Variants in RAET1E observed in about 807,000 individuals in gnomAD.
RAET1E encodes the protein retinoic acid early transcript 1E, also known as NKG2D ligand 4.
RAET1E carries 27 observed loss-of-function variants against 21.1 expected under a neutral mutation model. The ratio of observed to expected loss-of-function variants is 1.28; its 90% CI spans 0.94 to 1.76. The LOEUF is 1.76. RAET1E is among the 40% of genes most tolerant of loss of function. RAET1E has a pLI of 0.00. For synonymous variants in RAET1E, 113 were observed against 115.0 expected, an observed-to-expected ratio of 0.98 and a Z score of 0.11; for missense variants, 310 against 311.3, an observed-to-expected ratio of 1.00 and a Z score of 0.03.
At position 149,885,366 on chromosome 6, in the gene RAET1E, A is replaced by C. The variant is rs1476593856; in HGVS notation, c.*3132T>G. Among the ~76,000 whole-genome samples the C allele has an allele frequency of 6.6e-6, 1 of 152,156 alleles. No homozygotes were observed. The highest frequency in any genetic ancestry group is 1.5e-5 in the Non-Finnish European group (1 of 68,018). ...AGCCTTTGCCTTTCTCCTGTTGGCC[A>C]GGGACAGAGAGGGCTCAACTTGACC... On this transcript the variant is annotated 3_prime_UTR_variant, in exon 6 of 6. Transcript: ENST00000357183.
Position 149,884,367 on chromosome 6 carries a change from G to C in RAET1E, c.*4131C>G. 1 of 929,778 alleles carries C rather than the reference G, an allele frequency of 1.1e-6. No homozygotes were observed. The allele number at this position is 929,778 out of a possible 1,614,324, so 57.6% of individuals were successfully genotyped here. On this transcript the variant is annotated 3_prime_UTR_variant, in exon 6 of 6. Coordinates refer to ENST00000357183, the MANE Select transcript of RAET1E (RefSeq NM_001394057.1). ...TGCCAAGACTGGAATGCAGAGGCGC[G>C]ATCTCCGCTCATTGCAGGCTCCGCC... is the stretch of plus-strand genomic sequence containing the variant.
At chr6:149,894,639 C>A (rs1778042154) in intron 2 of RAET1E, among the ~76,000 whole-genome samples, 1 of 151,952 alleles carries the variant, frequency 6.6e-6, no homozygotes, top group Admixed American at 6.6e-5. Context: ...CATTTATGTT[C>A]CTCTCTACAT....
At chr6:149,889,836 C>T in intron 4 of RAET1E, 49 bp downstream of exon 4, 1 of 1,591,058 alleles carries the variant, frequency 6.3e-7, no homozygotes, top group Non-Finnish European at 8.6e-7. Context: ...GTTCTTCCCT[C>T]CCCTCTCTTA....
Position 149,883,720 on chromosome 6 carries a change from GA to G in RAET1E, c.*4777del, listed in dbSNP as rs1777496025. 1 of 154,822 alleles carries G rather than the reference GA, an allele frequency of 6.5e-6. No individual in the cohort carries two copies. Among genetic ancestry groups the G allele is most frequent in the African/African-American group, 2.5e-5 (1 of 40,446 alleles). 9.6% of individuals were successfully genotyped at this position (154,822 alleles called of 1,614,324 possible). ...TCAAAAAAACAAACAAACAAACAAA[GA>G]ATTACTTGCACTGTGCTCACATAAT... On this transcript the variant is annotated 3_prime_UTR_variant, in exon 6 of 6. Coordinates refer to ENST00000357183, the MANE Select transcript of RAET1E (RefSeq NM_001394057.1).
intron 3 of RAET1E, 56 bp downstream of exon 3, chr6:149,890,761 C>T: frequency 5.5e-6 from 7 of 1,270,808 alleles, no homozygotes; most frequent in Non-Finnish European, 6.9e-6. Flanking sequence ...TCGCCTACCC[C>T]CTACCTTTCT....
At position 149,884,552 on chromosome 6, in the gene RAET1E, C is replaced by A. The variant is rs1777526393; in HGVS notation, c.*3946G>T. Reference sequence around the variant, plus strand: ...TGCAGAACCCTGGGTCAGATCAGCTCAGGATTGACCCCTCCGTGATCTCTC... The same window carrying A: ...TGCAGAACCCTGGGTCAGATCAGCTAAGGATTGACCCCTCCGTGATCTCTC... On this transcript the variant is annotated 3_prime_UTR_variant, in exon 6 of 6. Coordinates refer to ENST00000357183, the MANE Select transcript of RAET1E (RefSeq NM_001394057.1). The A allele has an allele frequency of 6.6e-7, 1 of 1,514,906 alleles. No homozygotes were observed. The allele number at this position is 1,514,906 out of a possible 1,614,324, so 93.8% of individuals were successfully genotyped here. A position where few individuals can be genotyped will look rare whatever the true frequency, so the allele number is the denominator to read the frequency against.
rs1448850573 is a variant in RAET1E at position 149,888,155 on chromosome 6, A to G, written c.*343T>C. ...TGCTGCAGCCACAAGCGCCACCAGC[A>G]AGTCTTCTCAGGGTGAACGGGAAAA... On this transcript the variant is annotated 3_prime_UTR_variant, in exon 6 of 6. Transcript: ENST00000357183. The G allele has an allele frequency of 1.8e-6, 1 of 557,850 alleles. No homozygotes were observed. Among genetic ancestry groups the G allele is most frequent in the Non-Finnish European group, 3.5e-6 (1 of 289,116 alleles). The allele number at this position is 557,850 out of a possible 1,614,324, so 34.6% of individuals were successfully genotyped here.
intron 1 of RAET1E, among the ~76,000 whole-genome samples, chr6:149,897,554 T>G (rs1022839462): frequency 9.2e-5 from 14 of 152,278 alleles, no homozygotes; most frequent in African/African-American, 2.6e-4. Flanking sequence ...GTCCTCTCCC[T>G]GCCCCAGCTG....
chr6:149,897,955 C>G (rs1778182251), intron 1 of RAET1E, 66 bp downstream of exon 1: 1 of 152,026 alleles, frequency 6.6e-6, no homozygotes, highest in Non-Finnish European at 1.5e-5. Flanking sequence ...TCCTCCTTCA[C>G]TCCCAAACAT....
Position 149,888,560 on chromosome 6 carries a change from T to C in RAET1E, c.730A>G (p.Ile244Val). ...TCACCATTTTGCCACCAGACACAGA[T>C]GAGAACAATTCCCATTAAAACTAAC... Reference protein sequence around the residue: ...ILLVLMGIVLICVWWQNGEWQ... With the variant: ...ILLVLMGIVLVCVWWQNGEWQ... The change falls in exon 6 of 6, where the codon ATC (isoleucine) becomes GTC (valine). Residue 244 changes from isoleucine to valine, a missense_variant. Transcript: ENST00000357183. 1.2e-6 allele frequency: 2 copies of C among 1,612,168 alleles called. No homozygotes were observed. Among genetic ancestry groups the C allele is most frequent in the Non-Finnish European group, 1.7e-6 (2 of 1,179,790 alleles).
intron 1 of RAET1E, among the ~76,000 whole-genome samples, chr6:149,897,056 C>T (rs370246037): frequency 5.3e-5 from 8 of 152,244 alleles, no homozygotes; most frequent in East Asian, 1.9e-4. Flanking sequence ...TTTTTTGAGA[C>T]CAGGTCTTGC....
At chr6:149,890,168 A>T in intron 3 of RAET1E, 23 bp from the exon 4 acceptor site, 1 of 1,613,150 alleles carries the variant, frequency 6.2e-7, no homozygotes, top group Non-Finnish European at 8.5e-7. Flanking sequence ...GATGCAGGTG[A>T]GGTCCAGGAC....
At chr6:149,891,276 C>T (rs894788044) in intron 2 of RAET1E, among the ~76,000 whole-genome samples, 1 of 152,074 alleles carries the variant, frequency 6.6e-6, no homozygotes, top group African/African-American at 2.4e-5. Context: ...CTTCTCCTCC[C>T]TGCCTCTTTT....
intron 5 of RAET1E, chr6:149,888,961 G>C: frequency 1.3e-6 from 1 of 777,660 alleles, no homozygotes; most frequent in African/African-American, 1.8e-5. Context: ...TGACACAATG[G>C]GTGGTGCTTA....
In RAET1E at chr6:149,889,871, C is replaced by G. The variant is rs370014721; in HGVS notation, c.346+14G>C. The G allele has an allele frequency of 6.2e-7, 1 of 1,609,958 alleles. No homozygotes were observed. Among genetic ancestry groups the G allele is most frequent in the Non-Finnish European group, 8.5e-7 (1 of 1,176,958 alleles). On this transcript the variant is annotated intron_variant, in intron 4 of 5. Transcript: ENST00000357183. ...ACTGCCTGCCTCTGTTTGCCCACCC[C>G]ATTCCACACTTACCACTGGTCTTTA... is the stretch of plus-strand genomic sequence containing the variant.
At position 149,890,146 on chromosome 6, in the gene RAET1E, C is replaced by A. The variant is rs776308613; in HGVS notation, c.86-1G>T. 4 of 1,613,896 alleles carry A rather than the reference C, an allele frequency of 2.5e-6. No individual in the cohort carries two copies. In the South Asian group the frequency reaches 4.4e-5, roughly 18 times the overall value. On this transcript the variant is annotated splice_acceptor_variant, in intron 3 of 5. Transcript: ENST00000357183. LOFTEE classifies it high-confidence loss of function. ...AAGTTGAAGCAAAGAGAGTGACCAC[C>A]TGTGAGACAAAGATGCAGGTGAGGT... is the stretch of plus-strand genomic sequence containing the variant.
At position 149,888,321 on chromosome 6, in the gene RAET1E, C is replaced by T; in HGVS notation, c.*177G>A. On this transcript the variant is annotated 3_prime_UTR_variant, in exon 6 of 6. Coordinates refer to ENST00000357183, the MANE Select transcript of RAET1E (RefSeq NM_001394057.1). ...GTTCCAGATCTTTGACCTTGCCCCT[C>T]CTCGAGAGGAGATGATTGCTTCATC... 1 of 809,430 alleles carries T rather than the reference C, an allele frequency of 1.2e-6. No individual in the cohort carries two copies. The allele number at this position is 809,430 out of a possible 1,614,324, so 50.1% of individuals were successfully genotyped here. A position where few individuals can be genotyped will look rare whatever the true frequency, so the allele number is the denominator to read the frequency against.
intron 5 of RAET1E, chr6:149,888,964 G>C: frequency 1.3e-6 from 1 of 785,402 alleles, no homozygotes; most frequent in Non-Finnish European, 1.8e-6. Context: ...CACAATGGGT[G>C]GTGCTTAATT....
At position 149,893,734 on chromosome 6, in the gene RAET1E, C is replaced by T. The variant is rs1778001830; in HGVS notation, c.-134+2112G>A. 2.0e-5 allele frequency among the ~76,000 whole-genome samples: 3 copies of T among 152,162 alleles called. No homozygotes were observed. The South Asian group carries it at 6.2e-4, about 32-fold the overall frequency. On this transcript the variant is annotated intron_variant, in intron 2 of 5. Transcript: ENST00000357183. ...ATTGCCCTGGCCAGAAGTTCCAATA[C>T]TATGTTGAATAGGAGTGGTGAGAGA...
Sources: allele counts gnomAD v4.1 joint callset (sites outside exome capture counted in the v4.1 genomes callset), GRCh38; gene constraint gnomAD v4.1.1; transcripts MANE v1.5; gene names NCBI Gene and HGNC (gene_info 2026-07-23, HGNC 2026-07-21).